Variants in ZSWIM8 observed in about 807,000 individuals in gnomAD.
ZSWIM8 encodes zinc finger SWIM domain-containing protein 8.
ZSWIM8 carries 27 observed loss-of-function variants against 173.7 expected under a neutral mutation model. The observed-to-expected ratio is 0.16, with a 90% CI of 0.11 to 0.21. ZSWIM8 has a LOEUF of 0.21. Among genes scored for constraint, ZSWIM8 ranks in the 10% least tolerant of loss-of-function variants. The pLI, the probability that ZSWIM8 is intolerant of heterozygous loss-of-function variation, is 1.00. For synonymous variants in ZSWIM8, 958 were observed against 962.0 expected (o/e 1.00, Z 0.08); for missense variants, 1,627 against 2,428.8 (o/e 0.67, Z 6.94).
rs1408308019 is a variant in ZSWIM8, at chr10:73,785,684, C to T, written c.-195C>T. ...AGACTGGCCAAGATCACCGCTTGCA[C>T]CGCGCTGTTGGGCGAGGCCCGGTCC... is the stretch of plus-strand genomic sequence containing the variant. On this transcript the variant is annotated 5_prime_UTR_variant, in exon 1 of 26. Coordinates refer to ENST00000604729, the MANE Select transcript of ZSWIM8 (RefSeq NM_001367799.1). 1.5e-6 allele frequency: 1 copy of T among 667,356 alleles called. No individual in the cohort carries two copies. Among genetic ancestry groups the T allele is most frequent in the Admixed American group, 2.2e-5 (1 of 46,434 alleles). The allele number at this position is 667,356 out of a possible 1,614,324, so 41.3% of individuals were successfully genotyped here. A position where few individuals can be genotyped will look rare whatever the true frequency, so the allele number is the denominator to read the frequency against.
Position 73,800,523 on chromosome 10 carries a change from C to T in ZSWIM8, c.5002+51C>T. 1.9e-6 allele frequency: 3 copies of T among 1,607,432 alleles called. No individual in the cohort carries two copies. Among genetic ancestry groups the T allele is most frequent in the Admixed American group, 1.7e-5 (1 of 59,792 alleles). On this transcript the variant is annotated intron_variant, in intron 23 of 25. Coordinates refer to ENST00000604729, the MANE Select transcript of ZSWIM8 (RefSeq NM_001367799.1). The surrounding 1 kb of genome is among the most constrained non-coding windows in gnomAD (Gnocchi z 4.1). ...CCTACCTGCAGTTGTGCCAGTGGCT[C>T]TTCAGAGGACCCTTCCTCTAGCTCT...
Position 73,800,487 on chromosome 10 carries a change from C to T in ZSWIM8, c.5002+15C>T. The T allele has an allele frequency of 1.2e-6, 2 of 1,612,958 alleles. No homozygotes were observed. Among genetic ancestry groups the T allele is most frequent in the Non-Finnish European group, 1.7e-6 (2 of 1,179,344 alleles). The stretch of plus-strand genomic sequence containing the variant: ...CTACCGTGTCGGTGAGAGGACATCC[C>T]TTTCTGTGCTCCTACCTGCAGTTGT... On this transcript the variant is annotated intron_variant, in intron 23 of 25. Coordinates refer to ENST00000604729, the MANE Select transcript of ZSWIM8 (RefSeq NM_001367799.1). This position sits in a 1 kb window ranked among gnomAD's most constrained non-coding sequence, Gnocchi z 4.1.
rs780137646 is a variant in ZSWIM8, at chr10:73,794,525, C to T, written c.2810-16C>T. The T allele has an allele frequency of 1.3e-6, 2 of 1,563,910 alleles. No homozygotes were observed. Among genetic ancestry groups the T allele is most frequent in the Admixed American group, 1.9e-5 (1 of 51,762 alleles). ...TGATACTTCTGTCTGCCTGACTTAC[C>T]CCAACTTTTATACAGTGGTTTCTCC... On this transcript the variant is annotated splice_polypyrimidine_tract_variant and intron_variant, in intron 13 of 25. Transcript: ENST00000604729.
chr10:73,794,165 G>C lies in ZSWIM8; in HGVS notation c.2644G>C (p.Glu882Gln). The C allele has an allele frequency of 6.2e-7, 1 of 1,614,052 alleles. No individual in the cohort carries two copies. The highest frequency in any genetic ancestry group is 1.1e-5 in the South Asian group (1 of 91,088). Residue 882 changes from glutamate to glutamine, a missense_variant, in exon 13 of 26, where the codon GAG becomes CAG. Coordinates refer to ENST00000604729, the MANE Select transcript of ZSWIM8 (RefSeq NM_001367799.1). ...KALEVKLAYQESEVAALLKKI... is the reference protein window; with the variant it reads ...KALEVKLAYQQSEVAALLKKI... ...CCCTCAGGTGAAGCTGGCATACCAGGAGTCTGAGGTGGCTGCCCTGCTCAA... is the reference window on the plus strand; with the variant it reads ...CCCTCAGGTGAAGCTGGCATACCAGCAGTCTGAGGTGGCTGCCCTGCTCAA...
Position 73,794,281 on chromosome 10 carries a change from G to A in ZSWIM8, c.2760G>A (p.Val920=), listed in dbSNP as rs118159663. 2.1e-3 allele frequency: 3,377 copies of A among 1,614,030 alleles called. 68 individuals are homozygous for A. The East Asian group carries it at 0.045, about 21-fold the overall frequency. The change falls in exon 13 of 26, where the codon GTG becomes GTA. Residue 920 remains valine, a synonymous_variant. Coordinates refer to ENST00000604729, the MANE Select transcript of ZSWIM8 (RefSeq NM_001367799.1). ...REGTLCDYRP[V]LPLMLASFIF... ...GGACACTCTGTGACTATCGGCCTGT[G>A]TTGCCTCTCATGCTGGCCAGTTTCA...
intron 10 of ZSWIM8, 143 bp from the exon 11 acceptor site, chr10:73,793,445 C>T: frequency 1.1e-6 from 1 of 880,204 alleles, no homozygotes; most frequent in Non-Finnish European, 1.7e-6. Context: ...ATGTGTCTGT[C>T]TTTCTAACCA....
intron 21 of ZSWIM8, 21 bp from the exon 22 acceptor site, chr10:73,799,990 C>CT: frequency 6.2e-7 from 1 of 1,609,198 alleles, no homozygotes; most frequent in South Asian, 1.1e-5. Flanking sequence ...GCATCTTCCC[C>CT]TTTCTTCTCC....
At chr10:73,794,783 C>A (rs7908825) in intron 14 of ZSWIM8, 144 bp downstream of exon 14, 1 of 715,434 alleles carries the variant, frequency 1.4e-6, no homozygotes, top group Non-Finnish European at 2.3e-6. Flanking sequence ...GACAGGAATT[C>A]AGGGCAAAAA....
chr10:73,800,797 C>CCA lies in ZSWIM8; in HGVS notation c.5122+38_5122+39insCA, dbSNP rs1554977288. The CCA allele has an allele frequency of 4.8e-6, 7 of 1,457,010 alleles. No homozygotes were observed. The highest frequency in any genetic ancestry group is 6.6e-6 in the Non-Finnish European group (7 of 1,067,032). 90.3% of individuals were successfully genotyped at this position (1,457,010 alleles called of 1,614,324 possible). ...CTCCCTAGGACCATTGCCCCCCCCC[C>CCA]ACCTGCTCTCCCCACCTTCCTTATC... On this transcript the variant is annotated intron_variant, in intron 24 of 25. Transcript: ENST00000604729. This position sits in a 1 kb window ranked among gnomAD's most constrained non-coding sequence, Gnocchi z 4.1.
chr10:73,792,821 T>C lies in ZSWIM8; in HGVS notation c.2282T>C (p.Leu761Pro). 1 of 1,588,996 alleles carries C rather than the reference T, an allele frequency of 6.3e-7. No homozygotes were observed. Among genetic ancestry groups the C allele is most frequent in the Non-Finnish European group, 8.5e-7 (1 of 1,172,138 alleles). ...AGEEHDLFAGLKPLEQESRME... is the reference protein window; with the variant it reads ...AGEEHDLFAGPKPLEQESRME... ...GAGGAGCACGACCTGTTTGCTGGGC[T>C]GAAGCCACTGGAACAGGAGAGTCGC... Residue 761 changes from leucine to proline, a missense_variant, in exon 10 of 26, where the codon CTG becomes CCG. Transcript: ENST00000604729. This position sits in a 1 kb window ranked among gnomAD's most constrained non-coding sequence, Gnocchi z 4.3.
In ZSWIM8 at chr10:73,797,516, T is replaced by C. The variant is rs766223531; in HGVS notation, c.3573T>C (p.Ser1191=). Residue 1191 remains serine (S), a synonymous_variant, in exon 18 of 26, where the codon TCT becomes TCC. Transcript: ENST00000604729. This position sits in a 1 kb window ranked among gnomAD's most constrained non-coding sequence, Gnocchi z 5.6. ...ACAGTGACAGCATTAGCAGCTCTTC[T>C]TCGGACTCCCTGGGCTCCTCATCCT... The part of the protein sequence containing the change: ...GQDSDSISSS[S]SDSLGSSSSS... The C allele has an allele frequency of 1.9e-6, 3 of 1,613,952 alleles. No homozygotes were observed. The South Asian group carries it at 3.3e-5, about 18-fold the overall frequency.
rs1015804862 is a variant in ZSWIM8 at position 73,800,951 on chromosome 10, C to G, written c.5123-66C>G. ...CTCTCTGCCAGGCCAGAGCTGAGAT[C>G]TGTAAGTTGGGTCCCTAGGGCAGAG... On this transcript the variant is annotated intron_variant, in intron 24 of 25. Transcript: ENST00000604729. This position sits in a 1 kb window ranked among gnomAD's most constrained non-coding sequence, Gnocchi z 4.1. 2 of 1,456,184 alleles carry G rather than the reference C, an allele frequency of 1.4e-6. No individual in the cohort carries two copies. Among genetic ancestry groups the G allele is most frequent in the African/African-American group, 1.4e-5 (1 of 71,356 alleles). 90.2% of individuals were successfully genotyped at this position (1,456,184 alleles called of 1,614,324 possible). A position where few individuals can be genotyped will look rare whatever the true frequency, so the allele number is the denominator to read the frequency against.
In ZSWIM8 at chr10:73,801,571, G is replaced by T. The variant is rs753368394; in HGVS notation, c.*52G>T. 1.3e-6 allele frequency: 2 copies of T among 1,594,910 alleles called. No homozygotes were observed. The highest frequency in any genetic ancestry group is 2.7e-5 in the African/African-American group (2 of 74,464). ...GGGACCCAGGCCTGTGGCTATGGGG[G>T]CCCCTCACACAGGGGGAGTGAAACT... is the stretch of plus-strand genomic sequence containing the variant. On this transcript the variant is annotated 3_prime_UTR_variant, in exon 26 of 26. Coordinates refer to ENST00000604729, the MANE Select transcript of ZSWIM8 (RefSeq NM_001367799.1). This position sits in a 1 kb window ranked among gnomAD's most constrained non-coding sequence, Gnocchi z 4.9.
rs755012327 is a variant in ZSWIM8 at position 73,794,259 on chromosome 10, C to T, written c.2738C>T (p.Thr913Ile). 1 of 1,613,882 alleles carries T rather than the reference C, an allele frequency of 6.2e-7. No individual in the cohort carries two copies. The highest frequency in any genetic ancestry group is 8.5e-7 in the Non-Finnish European group (1 of 1,179,898). The change falls in exon 13 of 26, where the codon ACA becomes ATA. Residue 913 changes from threonine (T) to isoleucine (I), a missense_variant. By Grantham distance (89) the Thr-to-Ile change is moderately conservative (BLOSUM62 -1). Around this residue, in one of 18 missense-constraint regions of ZSWIM8, gnomAD observed 169 missense variants for 235.3 expected, o/e 0.72. Transcript: ENST00000604729. ...RCRAEELREG[T>I]LCDYRPVLPL... ...CGGGCAGAGGAACTTCGGGAGGGGA[C>T]ACTCTGTGACTATCGGCCTGTGTTG...
Position 73,800,430 on chromosome 10 carries a change from A to G in ZSWIM8, c.4960A>G (p.Asn1654Asp). The change falls in exon 23 of 26, where the codon AAT becomes GAT. Residue 1654 changes from asparagine (N) to aspartate (D), a missense_variant. By Grantham distance (23) the Asn-to-Asp change is conservative. Around this residue, in one of 18 missense-constraint regions of ZSWIM8, gnomAD observed 275 missense variants for 290.1 expected, o/e 0.95. Transcript: ENST00000604729. This position sits in a 1 kb window ranked among gnomAD's most constrained non-coding sequence, Gnocchi z 4.1. ...GGAGGAGACACACAGTCAGCCAGTCAATCCCCACAGCCTGCACCACCTGCA... is the reference window on the plus strand; with the variant it reads ...GGAGGAGACACACAGTCAGCCAGTCGATCCCCACAGCCTGCACCACCTGCA... ...PEEETHSQPV[N>D]PHSLHHLHAA... is the part of the protein sequence containing the mutation. 6.2e-7 allele frequency: 1 copy of G among 1,613,884 alleles called. No homozygotes were observed.
In ZSWIM8 at chr10:73,791,083, G is replaced by A; in HGVS notation, c.1050G>A (p.Leu350=). ...GTGAGCCAGAGGGCGTCTGGAACCT[G>A]CTAAGCATTGTGCGGGAGATGTTCA... is the stretch of plus-strand genomic sequence containing the variant. ...RGREPEGVWN[L]LSIVREMFKR... The change falls in exon 8 of 26, where the codon CTG becomes CTA. Residue 350 remains leucine, a synonymous_variant. Transcript: ENST00000604729. The surrounding 1 kb of genome is among the most constrained non-coding windows in gnomAD (Gnocchi z 6.0). 6.2e-7 allele frequency: 1 copy of A among 1,613,992 alleles called. No individual in the cohort carries two copies. The highest frequency in any genetic ancestry group is 8.5e-7 in the Non-Finnish European group (1 of 1,179,886).
At chr10:73,794,476 T>G in intron 13 of ZSWIM8, 65 bp from the exon 14 acceptor site, 1 of 1,566,840 alleles carries the variant, frequency 6.4e-7, no homozygotes, top group South Asian at 1.1e-5. Flanking sequence ...GGATTTTGGG[T>G]TCCCCTGTAT....
Position 73,795,395 on chromosome 10 carries a change from A to G in ZSWIM8, c.2909-144A>G. The G allele has an allele frequency of 1.6e-6, 2 of 1,289,760 alleles. 1 individual carries two copies. The highest frequency in any genetic ancestry group is 2.1e-6 in the Non-Finnish European group (2 of 940,974). The allele number at this position is 1,289,760 out of a possible 1,614,324, so 79.9% of individuals were successfully genotyped here. ...GAGCTTAGGCTGGATATAATAGTCA[A>G]CGAAGACTTCTATAGGTGATGTGGG... On this transcript the variant is annotated intron_variant, in intron 14 of 25. Coordinates refer to ENST00000604729, the MANE Select transcript of ZSWIM8 (RefSeq NM_001367799.1).
Position 73,797,350 on chromosome 10 carries a change from C to A in ZSWIM8, c.3434-27C>A. 1 of 1,613,180 alleles carries A rather than the reference C, an allele frequency of 6.2e-7. No individual in the cohort carries two copies. Among genetic ancestry groups the A allele is most frequent in the Non-Finnish European group, 8.5e-7 (1 of 1,179,326 alleles). The stretch of plus-strand genomic sequence containing the variant: ...TCTTAACATCTGGGACTCCTGACTT[C>A]TGAGACTGACTTCTCTTGGGGGTTA... On this transcript the variant is annotated intron_variant, in intron 17 of 25. Transcript: ENST00000604729. This position sits in a 1 kb window ranked among gnomAD's most constrained non-coding sequence, Gnocchi z 5.6.
Sources: gnomAD v4.1 joint callset for allele counts on GRCh38, gnomAD v4.1.1 for gene constraint, gnomAD v4.1.1 regional missense constraint, Gnocchi (gnomAD v3.1) non-coding constraint, MANE v1.5 for transcripts, NCBI Gene and HGNC (gene_info 2026-07-23, HGNC 2026-07-21) for gene names.